The following MGMT variants were observed in gnomAD, a reference collection of about 807,000 sequenced individuals.
The protein encoded by MGMT is methylated-DNA--protein-cysteine methyltransferase.
In MGMT, 14 loss-of-function variants were observed where a neutral mutation model predicts 15.9. The observed-to-expected ratio is 0.88, with a 90% CI of 0.58 to 1.37. The LOEUF (loss-of-function observed/expected upper bound fraction) is 1.37. Among genes scored for constraint, MGMT ranks in the 40% most tolerant of loss-of-function variants. The pLI is 0.00. For synonymous variants in MGMT, 130 were observed against 118.2 expected (o/e 1.10, Z -0.65); for missense variants, 282 against 268.1 (o/e 1.05, Z -0.36).
At chr10:129,626,668 G>A (rs888801072) in intron 2 of MGMT, among the ~76,000 whole-genome samples, 2 of 152,160 alleles carry the variant, frequency 1.3e-5, no homozygotes, top group Admixed American at 6.5e-5. Context: ...TGTTGGAGAC[G>A]ACAGGCTCCG....
chr10:129,469,203 T>C (rs1845203583), intron 1 of MGMT, among the ~76,000 whole-genome samples: 1 of 152,098 alleles, frequency 6.6e-6, no homozygotes, highest in Admixed American at 6.5e-5. Context: ...CAGAGTTTGT[T>C]CCTCTCCAGT....
chr10:129,648,192 C>A (rs1484421342), intron 2 of MGMT, among the ~76,000 whole-genome samples: 1 of 152,092 alleles, frequency 6.6e-6, no homozygotes, highest in Non-Finnish European at 1.5e-5. Context: ...CTTTTGCTGT[C>A]AAGGGAAAAT....
intron 2 of MGMT, among the ~76,000 whole-genome samples, chr10:129,642,701 C>CTTCCACAT (rs1194543263): frequency 2.0e-5 from 3 of 152,162 alleles, no homozygotes; most frequent in Non-Finnish European, 4.4e-5. Flanking sequence ...GCCAAAAATG[C>CTTCCACAT]TTCCACGTTT....
At chr10:129,474,024 G>A (rs1464952458) in intron 1 of MGMT, among the ~76,000 whole-genome samples, 1 of 152,216 alleles carries the variant, frequency 6.6e-6, no homozygotes, top group African/African-American at 2.4e-5. Flanking sequence ...TACCGGTCAG[G>A]TTTCTCCAAG....
intron 2 of MGMT, among the ~76,000 whole-genome samples, chr10:129,565,926 T>G (rs1427255465): frequency 6.6e-6 from 1 of 151,998 alleles, no homozygotes; most frequent in Non-Finnish European, 1.5e-5. Flanking sequence ...GTCTTTAGAG[T>G]GACCACTGCC....
intron 2 of MGMT, among the ~76,000 whole-genome samples, chr10:129,658,056 G>T (rs565890579): frequency 2.0e-5 from 3 of 152,260 alleles, no homozygotes; most frequent in Admixed American, 2.0e-4. Context: ...AAACCTAAAG[G>T]TGATCTCCCT....
chr10:129,539,796 G>A (rs777047640), intron 2 of MGMT, among the ~76,000 whole-genome samples: 12 of 152,166 alleles, frequency 7.9e-5, no homozygotes, highest in South Asian at 2.1e-4. Context: ...GTGAGCCACC[G>A]CGCCCGGCCT....
chr10:129,555,176 C>T (rs1471872636), intron 2 of MGMT, among the ~76,000 whole-genome samples: 1 of 152,200 alleles, frequency 6.6e-6, no homozygotes, highest in Non-Finnish European at 1.5e-5. Context: ...TACCCGCTGC[C>T]CACATATTTC....
At chr10:129,603,314 G>A (rs930547428) in intron 2 of MGMT, among the ~76,000 whole-genome samples, 1 of 152,180 alleles carries the variant, frequency 6.6e-6, no homozygotes, top group African/African-American at 2.4e-5. Context: ...TGTACCATAT[G>A]CTCAGCCCAA....
Position 129,539,768 on chromosome 10 carries a change from A to G in MGMT, c.125+3391A>G, listed in dbSNP as rs917835750. Among the ~76,000 whole-genome samples the G allele has an allele frequency of 2.6e-5, 4 of 152,182 alleles. No homozygotes were observed. In the East Asian group the frequency reaches 7.7e-4, roughly 29 times the overall value. On this transcript the variant is annotated intron_variant, in intron 2 of 4. Transcript: ENST00000651593. Reference sequence around the variant, plus strand: ...TGATCCACCCACCTCGGCCTCCCAAAGTGCTGGGATTACAGGCGTGAGCCA... The same window carrying G: ...TGATCCACCCACCTCGGCCTCCCAAGGTGCTGGGATTACAGGCGTGAGCCA...
At chr10:129,617,070 A>G (rs1847036196) in intron 2 of MGMT, among the ~76,000 whole-genome samples, 1 of 144,514 alleles carries the variant, frequency 6.9e-6, no homozygotes, top group Non-Finnish European at 1.6e-5. Context: ...CTTCATCCAC[A>G]TGATAAGCAC....
chr10:129,497,747 C>G (rs975809637), intron 1 of MGMT, among the ~76,000 whole-genome samples: 2 of 152,194 alleles, frequency 1.3e-5, no homozygotes, highest in Non-Finnish European at 2.9e-5. Context: ...TGGGCAATGA[C>G]TAGGTCAGGC....
chr10:129,732,564 A>T (rs1281973748), intron 3 of MGMT, among the ~76,000 whole-genome samples: 1 of 147,402 alleles, frequency 6.8e-6, no homozygotes, highest in African/African-American at 2.5e-5. Context: ...TTTTTAATTT[A>T]TTATTATTAT....
chr10:129,636,922 C>T (rs981717404), intron 2 of MGMT, among the ~76,000 whole-genome samples: 5 of 152,004 alleles, frequency 3.3e-5, no homozygotes, highest in African/African-American at 9.7e-5. Context: ...ATTATAGAGC[C>T]GAGTTTAAAT....
intron 2 of MGMT, among the ~76,000 whole-genome samples, chr10:129,704,874 T>A (rs557405908): frequency 1.4e-4 from 21 of 152,248 alleles, no homozygotes; most frequent in Non-Finnish European, 2.2e-4. Flanking sequence ...GGACAGCGTG[T>A]GAGACTGGCC....
intron 1 of MGMT, among the ~76,000 whole-genome samples, chr10:129,481,697 C>T (rs1414199850): frequency 6.6e-6 from 1 of 152,106 alleles, no homozygotes; most frequent in African/African-American, 2.4e-5. Flanking sequence ...TTGACCATTT[C>T]ATCTAAGTTT....
At chr10:129,665,164 C>A (rs1847643195) in intron 2 of MGMT, among the ~76,000 whole-genome samples, 2 of 147,470 alleles carry the variant, frequency 1.4e-5, no homozygotes, top group Admixed American at 1.4e-4. Flanking sequence ...CCATCACTCT[C>A]TCTCTCTTCA....
At chr10:129,605,299 T>TA (rs1476092800) in intron 2 of MGMT, among the ~76,000 whole-genome samples, 1 of 152,138 alleles carries the variant, frequency 6.6e-6, no homozygotes, top group Non-Finnish European at 1.5e-5. Context: ...CTTACTCTAC[T>TA]ATTTGCGGTC....
chr10:129,638,278 A>G (rs1290565327), intron 2 of MGMT, among the ~76,000 whole-genome samples: 2 of 152,086 alleles, frequency 1.3e-5, no homozygotes, highest in Non-Finnish European at 2.9e-5. Flanking sequence ...CATGAGAACT[A>G]AAGAACAATG....
Sources: allele counts gnomAD v4.1 joint callset (sites outside exome capture counted in the v4.1 genomes callset), GRCh38; gene constraint gnomAD v4.1.1; transcripts MANE v1.5; gene names NCBI Gene and HGNC (gene_info 2026-07-23, HGNC 2026-07-21).